CDK14: variants seen among roughly 807,000 people sequenced by gnomAD.
CDK14 encodes the protein cyclin dependent kinase 14.
In CDK14, 34 loss-of-function variants were observed where a neutral mutation model predicts 60.7. The observed-to-expected ratio is 0.56, with a 90% CI of 0.43 to 0.75. CDK14 has a LOEUF of 0.75. CDK14 is among the 30% of genes least tolerant of loss of function. The probability of loss-of-function intolerance (pLI) is 0.00; values close to 1 mark genes in which losing one functional copy is unlikely to be tolerated. For synonymous variants in CDK14, 197 were observed against 203.7 expected, an observed-to-expected ratio of 0.97 and a Z score of 0.28; for missense variants, 482 against 564.1, an observed-to-expected ratio of 0.85 and a Z score of 1.47.
chr7:90,804,112 C>A (rs1788740569), intron 5 of CDK14, among the ~76,000 whole-genome samples: 1 of 152,164 alleles, frequency 6.6e-6, no homozygotes, highest in South Asian at 2.1e-4. Flanking sequence ...TCTTCTCAGG[C>A]TTCCCCAGAG....
chr7:90,884,974 A>C (rs766287557), intron 6 of CDK14, among the ~76,000 whole-genome samples: 1 of 152,218 alleles, frequency 6.6e-6, no homozygotes, highest in Non-Finnish European at 1.5e-5. Flanking sequence ...ACCCAAAATC[A>C]TAAAAACCCT....
At chr7:90,970,884 G>T (rs1794903866) in intron 9 of CDK14, among the ~76,000 whole-genome samples, 2 of 152,114 alleles carry the variant, frequency 1.3e-5, no homozygotes, top group Admixed American at 6.6e-5. Context: ...AGTATCTTGT[G>T]TGTACTCCTC....
rs1443513364 is a variant in CDK14, at chr7:91,010,732, T to TTTTCCTTCCTTC, written c.1041+26508_1041+26519dup. The stretch of plus-strand genomic sequence containing the variant: ...TCCTTATGTTTCTTTTTTCTCCTTC[T>TTTTCCTTCCTTC]TTTCCTTCCTTCTTTCCTTCCTTCT... On this transcript the variant is annotated intron_variant, in intron 10 of 14. Transcript: ENST00000380050. Among the ~76,000 whole-genome samples the TTTTCCTTCCTTC allele has an allele frequency of 7.3e-5, 11 of 150,604 alleles. No homozygotes were observed. In the East Asian group the frequency reaches 1.8e-3, roughly 24 times the overall value.
chr7:91,003,542 C>T (rs937740297), intron 10 of CDK14, among the ~76,000 whole-genome samples: 4 of 152,152 alleles, frequency 2.6e-5, no homozygotes, highest in African/African-American at 9.7e-5. Context: ...GCATGAAGTC[C>T]TTCAGGTTCC....
intron 2 of CDK14, among the ~76,000 whole-genome samples, chr7:90,707,966 G>C (rs898170177): frequency 6.6e-6 from 1 of 152,144 alleles, no homozygotes; most frequent in African/African-American, 2.4e-5. Flanking sequence ...TTTGCTGAAT[G>C]AATAGATGAA....
intron 4 of CDK14, among the ~76,000 whole-genome samples, chr7:90,789,011 C>T (rs1169699009): frequency 6.6e-6 from 1 of 152,034 alleles, no homozygotes; most frequent in Admixed American, 6.6e-5. Flanking sequence ...GATGCTTCTC[C>T]AATATTCATC....
intron 12 of CDK14, among the ~76,000 whole-genome samples, chr7:91,091,501 T>TATATATATATATATATATATATA (rs1798821641): frequency 1.1e-5 from 1 of 88,972 alleles, no homozygotes; most frequent in Non-Finnish European, 2.3e-5. Flanking sequence ...TTTATATATT[T>TATATATATATATATATATATATA]TATATATATA....
chr7:90,897,509 T>A (rs1190847217), intron 6 of CDK14, among the ~76,000 whole-genome samples: 5 of 152,100 alleles, frequency 3.3e-5, no homozygotes, highest in Admixed American at 6.5e-5. Flanking sequence ...ATGAGCATTA[T>A]TTTAAAAGAA....
At chr7:91,018,345 A>G (rs916777840) in intron 10 of CDK14, among the ~76,000 whole-genome samples, 2 of 152,198 alleles carry the variant, frequency 1.3e-5, no homozygotes, top group African/African-American at 2.4e-5. Context: ...ACAAAATACC[A>G]TAAGCTGGGT....
chr7:90,883,542 T>C (rs749330718), intron 6 of CDK14, among the ~76,000 whole-genome samples: 7 of 152,168 alleles, frequency 4.6e-5, no homozygotes, highest in Non-Finnish European at 8.8e-5. Flanking sequence ...CTTTTGAAAC[T>C]ATTCCAAACA....
At chr7:91,050,265 T>C (rs1395714670) in intron 11 of CDK14, among the ~76,000 whole-genome samples, 3 of 152,076 alleles carry the variant, frequency 2.0e-5, no homozygotes, top group East Asian at 1.9e-4. Flanking sequence ...ATACTGAGAA[T>C]TGGGGGCCAG....
At chr7:91,059,977 G>C (rs563517420) in intron 11 of CDK14, among the ~76,000 whole-genome samples, 2 of 151,836 alleles carry the variant, frequency 1.3e-5, no homozygotes, top group Non-Finnish European at 2.9e-5. Context: ...TTTCTGTCTC[G>C]TGGATCTGTC....
chr7:90,844,694 A>C (rs1476450260), intron 5 of CDK14, among the ~76,000 whole-genome samples: 1 of 152,188 alleles, frequency 6.6e-6, no homozygotes, highest in African/African-American at 2.4e-5. Flanking sequence ...TCAACAAATG[A>C]AGGATAAGAA....
At chr7:91,032,859 T>C (rs1341306461) in intron 10 of CDK14, among the ~76,000 whole-genome samples, 2 of 152,226 alleles carry the variant, frequency 1.3e-5, no homozygotes, top group African/African-American at 4.8e-5. Context: ...GATAATATAA[T>C]TTTCTAAAAC....
At chr7:90,893,145 CT>C (rs1020764474) in intron 6 of CDK14, among the ~76,000 whole-genome samples, 6 of 152,102 alleles carry the variant, frequency 3.9e-5, no homozygotes, top group African/African-American at 1.4e-4. Flanking sequence ...TCAAGCCACA[CT>C]TGATAGCTTC....
At chr7:90,956,307 ATAT>A (rs986998875) in intron 9 of CDK14, among the ~76,000 whole-genome samples, 1 of 152,208 alleles carries the variant, frequency 6.6e-6, no homozygotes, top group African/African-American at 2.4e-5. Flanking sequence ...CTTTTAAAAA[ATAT>A]TATATGTTTA....
chr7:90,942,437 A>T (rs1272777876), intron 8 of CDK14, among the ~76,000 whole-genome samples: 1 of 152,200 alleles, frequency 6.6e-6, no homozygotes, highest in Non-Finnish European at 1.5e-5. Flanking sequence ...ATTTCACAAT[A>T]AGGAGAAATG....
chr7:91,013,049 G>A (rs1353809901), intron 10 of CDK14, among the ~76,000 whole-genome samples: 1 of 152,082 alleles, frequency 6.6e-6, no homozygotes, highest in Non-Finnish European at 1.5e-5. Flanking sequence ...CAATAACGTG[G>A]GCATGAAACT....
intron 2 of CDK14, among the ~76,000 whole-genome samples, chr7:90,712,202 T>C (rs190639068): frequency 6.6e-6 from 1 of 152,030 alleles, no homozygotes; most frequent in African/African-American, 2.4e-5. Flanking sequence ...GCATTAGATA[T>C]ATTCACAGTG....
Sources: gnomAD v4.1 joint callset for allele counts (sites outside exome capture counted in the v4.1 genomes callset) on GRCh38, gnomAD v4.1.1 for gene constraint, MANE v1.5 for transcripts, NCBI Gene and HGNC (gene_info 2026-07-23, HGNC 2026-07-21) for gene names.